The following TF variants were observed in gnomAD, a reference collection of about 807,000 sequenced individuals.
TF encodes the protein serotransferrin.
TF carries 55 observed loss-of-function variants against 82.4 expected under a neutral mutation model. The observed-to-expected ratio is 0.67, with a 90% confidence interval of 0.54 to 0.84. The LOEUF (loss-of-function observed/expected upper bound fraction) is 0.84. Among genes scored for constraint, TF ranks in the 40% least tolerant of loss-of-function variants. TF has a pLI of 0.00. For synonymous variants in TF, 332 were observed against 332.6 expected (o/e 1.00, Z 0.02); for missense variants, 737 against 868.4 (o/e 0.85, Z 1.90).
intron 7 of TF, 139 bp downstream of exon 7, chr3:133,757,148 T>C (rs961453245): frequency 2.5e-6 from 3 of 1,195,878 alleles, no homozygotes; most frequent in African/African-American, 1.5e-5. Context: ...CACTAAGTTC[T>C]CTAAAAGCTG....
Position 133,753,837 on chromosome 3 carries a change from G to A in TF, c.325+134G>A, listed in dbSNP as rs41298979. ...TTGGAGAGTGAGTAGAGAATGAGGG[G>A]CCCTGTCAGCTGCCACAGCCACACA... On this transcript the variant is annotated intron_variant, in intron 3 of 16. Transcript: ENST00000402696. 18 of 782,978 alleles carry A rather than the reference G, an allele frequency of 2.3e-5. No individual in the cohort carries two copies. The African/African-American group carries it at 2.5e-4, about 11-fold the overall frequency. 48.5% of individuals were successfully genotyped at this position (782,978 alleles called of 1,614,324 possible). A position where few individuals can be genotyped will look rare whatever the true frequency, so the allele number is the denominator to read the frequency against.
At chr3:133,669,403 A>C in the TF span, among the ~76,000 whole-genome samples, 2 of 152,178 alleles carry the variant, frequency 1.3e-5, no homozygotes, top group Non-Finnish European at 2.9e-5. Context: ...ACTAAGACAA[A>C]AGACCCCAGA....
chr3:133,695,629 G>T, the TF span, among the ~76,000 whole-genome samples: 1 of 152,166 alleles, frequency 6.6e-6, no homozygotes, highest in Admixed American at 6.5e-5. Flanking sequence ...ATCTAGAGAT[G>T]GGTGAAGCTC....
the TF span, among the ~76,000 whole-genome samples, chr3:133,672,313 C>T: frequency 9.2e-5 from 14 of 152,244 alleles, no homozygotes; most frequent in African/African-American, 3.4e-4. Flanking sequence ...TATTCTTACA[C>T]AGTATCTTCC....
chr3:133,686,732 T>A, the TF span, among the ~76,000 whole-genome samples: 1 of 152,152 alleles, frequency 6.6e-6, no homozygotes, highest in East Asian at 1.9e-4. Flanking sequence ...AAAATAGGAA[T>A]GCTTTTACAC....
At chr3:133,694,850 T>TTTTATTTATTTATTTA in the TF span, among the ~76,000 whole-genome samples, 1 of 146,986 alleles carries the variant, frequency 6.8e-6, no homozygotes, top group African/African-American at 2.5e-5. Context: ...AAGCCTTTAG[T>TTTTATTTATTTATTTA]TTTATTTATT....
the TF span, among the ~76,000 whole-genome samples, chr3:133,687,005 C>G: frequency 0.03 from 4,596 of 152,264 alleles, 119 homozygotes; most frequent in African/African-American, 0.073. Context: ...CCATGGAATA[C>G]TATGCAGCCA....
the TF span, among the ~76,000 whole-genome samples, chr3:133,740,119 G>C: frequency 5.3e-4 from 80 of 152,310 alleles, no homozygotes; most frequent in Non-Finnish European, 3.4e-4. Flanking sequence ...TAAATAACAT[G>C]TGGCACATAT....
intron 2 of TF, among the ~76,000 whole-genome samples, chr3:133,750,551 G>A (rs1310916369): frequency 6.6e-6 from 1 of 152,080 alleles, no homozygotes. Flanking sequence ...ACTTGTGAGA[G>A]CTTGCTTGAT....
chr3:133,705,133 G>C, the TF span, among the ~76,000 whole-genome samples: 2 of 152,082 alleles, frequency 1.3e-5, no homozygotes, highest in Non-Finnish European at 2.9e-5. Flanking sequence ...AAATTAGCAG[G>C]GCATGGCAGC....
chr3:133,739,491 T>C, the TF span, among the ~76,000 whole-genome samples: 1 of 152,140 alleles, frequency 6.6e-6, no homozygotes, highest in Non-Finnish European at 1.5e-5. Flanking sequence ...AAAGAGCTTC[T>C]GCACAGCAAA....
the TF span, among the ~76,000 whole-genome samples, chr3:133,674,341 G>A: frequency 6.6e-6 from 1 of 152,244 alleles, no homozygotes; most frequent in African/African-American, 2.4e-5. Flanking sequence ...AGGCTCCGGG[G>A]TGCTGCCCCC....
chr3:133,723,776 T>G, the TF span, among the ~76,000 whole-genome samples: 2,908 of 151,768 alleles, frequency 0.019, 39 homozygotes, highest in Non-Finnish European at 0.029. Flanking sequence ...CATTTAGCAT[T>G]AGGTATATCT....
In TF at chr3:133,756,299, C is replaced by T. The variant is rs1349064963; in HGVS notation, c.653C>T (p.Ala218Val). 1 of 1,614,102 alleles carries T rather than the reference C, an allele frequency of 6.2e-7. No individual in the cohort carries two copies. The highest frequency in any genetic ancestry group is 2.2e-5 in the East Asian group (1 of 44,886). Reference protein sequence around the residue: ...SGAFKCLKDGAGDVAFVKHST... With the variant: ...SGAFKCLKDGVGDVAFVKHST... ...TGACCCAGGTGTCTGAAGGATGGTGCTGGGGATGTGGCCTTTGTCAAGCAC... is the reference window on the plus strand; with the variant it reads ...TGACCCAGGTGTCTGAAGGATGGTGTTGGGGATGTGGCCTTTGTCAAGCAC... The change falls in exon 6 of 17, where the codon GCT (alanine) becomes GTT (valine). Residue 218 changes from alanine to valine, a missense_variant. Coordinates refer to ENST00000402696, the MANE Select transcript of TF (RefSeq NM_001063.4).
At position 133,788,823 on chromosome 3, in the gene TF, T is replaced by G. The variant is rs1033442595; in HGVS notation, c.*10203T>G. ...ACTTGCAGCTCAGGGTGAACTTGCA[T>G]GTGTTTCAGGCGACGGAAACCCTAC... is the stretch of plus-strand genomic sequence containing the variant. On this transcript the variant is annotated 3_prime_UTR_variant, in exon 17 of 17. Transcript: ENST00000402696. 1.3e-5 allele frequency: 2 copies of G among 152,244 alleles called. No individual in the cohort carries two copies. The highest frequency in any genetic ancestry group is 4.1e-4 in the South Asian group (2 of 4,822). 9.4% of individuals were successfully genotyped at this position (152,244 alleles called of 1,614,324 possible). A position where few individuals can be genotyped will look rare whatever the true frequency, so the allele number is the denominator to read the frequency against.
At chr3:133,729,440 G>T in the TF span, among the ~76,000 whole-genome samples, 3 of 152,034 alleles carry the variant, frequency 2.0e-5, no homozygotes, top group African/African-American at 7.2e-5. Flanking sequence ...GTGAGACTCC[G>T]TGGGCGTAGG....
chr3:133,745,581 G>A (rs940241592), upstream of TF, among the ~76,000 whole-genome samples: 2 of 152,182 alleles, frequency 1.3e-5, no homozygotes, highest in Non-Finnish European at 2.9e-5. Context: ...CGACTAGAGG[G>A]GGACATGGTG....
At chr3:133,757,343 G>T (rs573661513) in intron 7 of TF, among the ~76,000 whole-genome samples, 30 of 152,230 alleles carry the variant, frequency 2.0e-4, no homozygotes, top group African/African-American at 7.2e-4. Context: ...GAAGGAAATG[G>T]TCTCTCTCCC....
At chr3:133,720,210 C>T in the TF span, among the ~76,000 whole-genome samples, 1 of 152,062 alleles carries the variant, frequency 6.6e-6, no homozygotes, top group Admixed American at 6.6e-5. Context: ...GCTTTTCCTC[C>T]TTCAGTATGA....
Sources: allele counts gnomAD v4.1 joint callset (sites outside exome capture counted in the v4.1 genomes callset), GRCh38; gene constraint gnomAD v4.1.1; transcripts MANE v1.5; gene names NCBI Gene and HGNC (gene_info 2026-07-23, HGNC 2026-07-21).